TPCN2: variants seen among roughly 807,000 people sequenced by gnomAD.
TPCN2 encodes the protein two pore channel protein 2.
TPCN2 carries 92 observed loss-of-function variants against 111.4 expected under a neutral mutation model. The observed-to-expected ratio is 0.83, with a 90% CI of 0.70 to 0.98. The LOEUF is 0.98. Among genes scored for constraint, TPCN2 ranks in the 50% least tolerant of loss-of-function variants. TPCN2 has a pLI of 0.00. For synonymous variants in TPCN2, 405 were observed against 414.5 expected (o/e 0.98, Z 0.28); for missense variants, 995 against 980.1 (o/e 1.02, Z -0.20).
intron 5 of TPCN2, among the ~76,000 whole-genome samples, chr11:69,061,042 G>A (rs767235284): frequency 2.4e-4 from 36 of 152,214 alleles, no homozygotes; most frequent in African/African-American, 8.7e-4. Flanking sequence ...AGGGCCTGCC[G>A]TGCTGCTGCT....
Position 69,054,772 on chromosome 11 carries a change from C to T in TPCN2, c.226C>T (p.Arg76Trp), listed in dbSNP as rs372021980. The change falls in exon 3 of 25, where the codon CGG (arginine) becomes TGG (tryptophan). Residue 76 changes from arginine (R) to tryptophan (W), a missense_variant. By Grantham distance (101) the Arg-to-Trp change is moderately radical. Coordinates refer to ENST00000294309, the MANE Select transcript of TPCN2 (RefSeq NM_139075.4). Reference sequence around the variant, plus strand: ...TGCCAGCTCGATGTGGCTTTACCGACGGTATTACTCGAACGTATGCCAACG... The same window carrying T: ...TGCCAGCTCGATGTGGCTTTACCGATGGTATTACTCGAACGTATGCCAACG... Reference protein sequence around the residue: ...VDASSMWLYRRYYSNVCQRTL... With the variant: ...VDASSMWLYRWYYSNVCQRTL... The T allele has an allele frequency of 1.1e-5, 17 of 1,614,038 alleles. No homozygotes were observed. Among genetic ancestry groups the T allele is most frequent in the South Asian group, 6.6e-5 (6 of 91,082 alleles).
chr11:69,054,227 G>A (rs1854641726), intron 2 of TPCN2, 130 bp downstream of exon 2: 1 of 716,148 alleles, frequency 1.4e-6, no homozygotes, highest in Non-Finnish European at 2.4e-6. Context: ...AACTGAGGGT[G>A]GAGCCTCTGG....
At chr11:69,069,700 ACCG>A (rs1855430127) in intron 8 of TPCN2, among the ~76,000 whole-genome samples, 9 of 66,274 alleles carry the variant, frequency 1.4e-4, no homozygotes, top group Non-Finnish European at 2.1e-4. Flanking sequence ...CTAGGAAGTG[ACCG>A]CACTGGGAGC....
Position 69,085,222 on chromosome 11 carries a change from G to C in TPCN2, c.1774G>C (p.Val592Leu), listed in dbSNP as rs762260431. The change falls in exon 20 of 25, where the codon GTA (valine) becomes CTA (leucine). Residue 592 changes from valine to leucine, a missense_variant. Physicochemically the swap from Val to Leu is conservative, Grantham distance 32. Transcript: ENST00000294309. ...CCTGGCCCGCCAGGTGGTCTACTAC[G>C]TATTTGCCATCATTGGGATCAACTT... is the stretch of plus-strand genomic sequence containing the variant. ...FGGILVVVYY[V>L]FAIIGINLFR... is the part of the protein sequence containing the mutation. 1.4e-5 allele frequency: 23 copies of C among 1,603,758 alleles called. No homozygotes were observed. Among genetic ancestry groups the C allele is most frequent in the Non-Finnish European group, 2.0e-5 (23 of 1,173,136 alleles).
intron 2 of TPCN2, chr11:69,054,443 C>T (rs138561941): frequency 3.9e-5 from 22 of 562,936 alleles, no homozygotes; most frequent in East Asian, 3.2e-4. Flanking sequence ...CAGGCAGACA[C>T]GGGCACAGCT....
At chr11:69,065,488 C>T (rs555093916) in intron 7 of TPCN2, among the ~76,000 whole-genome samples, 130 of 152,294 alleles carry the variant, frequency 8.5e-4, no homozygotes, top group African/African-American at 3.0e-3. Context: ...GTGAGGGGTG[C>T]GTGCTTGTCG....
chr11:69,073,818 C>G (rs1029472808), intron 13 of TPCN2, among the ~76,000 whole-genome samples: 4 of 152,122 alleles, frequency 2.6e-5, no homozygotes, highest in African/African-American at 9.7e-5. Context: ...TCACCTGAGG[C>G]CTCTCTCCGT....
intron 5 of TPCN2, among the ~76,000 whole-genome samples, chr11:69,061,671 C>G (rs1238224388): frequency 1.3e-5 from 2 of 152,004 alleles, no homozygotes; most frequent in Non-Finnish European, 2.9e-5. Context: ...TGGGGACCCC[C>G]AGGTGGGTCC....
chr11:69,072,775 T>C (rs542215609), intron 12 of TPCN2, 67 bp downstream of exon 12: 58 of 1,585,808 alleles, frequency 3.7e-5, no homozygotes, highest in Admixed American at 2.7e-4. Context: ...CAGCAGCCCC[T>C]TTTCAGGACT....
intron 1 of TPCN2, among the ~76,000 whole-genome samples, chr11:69,051,027 C>T (rs986706695): frequency 6.6e-6 from 1 of 152,220 alleles, no homozygotes; most frequent in Non-Finnish European, 1.5e-5. Flanking sequence ...ACTATGGAGC[C>T]ATGGAGACTC....
At chr11:69,058,528 G>A (rs1240636534) in intron 5 of TPCN2, among the ~76,000 whole-genome samples, 2 of 15,086 alleles carry the variant, frequency 1.3e-4, no homozygotes, top group South Asian at 0.033. Context: ...GTGCCGATGT[G>A]GGGGCTGGAA....
intron 13 of TPCN2, among the ~76,000 whole-genome samples, chr11:69,077,519 C>G (rs114712066): frequency 0.013 from 2,051 of 152,334 alleles, 54 homozygotes; most frequent in African/African-American, 0.047. Flanking sequence ...AGAGGAAGTT[C>G]GCTGATCATT....
In TPCN2 at chr11:69,063,895, C is replaced by T. The variant is rs548405579; in HGVS notation, c.654C>T (p.Ser218=). 2.0e-5 allele frequency: 33 copies of T among 1,613,854 alleles called. No individual in the cohort carries two copies. The highest frequency in any genetic ancestry group is 1.3e-4 in the East Asian group (6 of 44,872). Residue 218 remains serine, a splice_region_variant and synonymous_variant, in exon 7 of 25, where the codon AGC becomes AGT. Coordinates refer to ENST00000294309, the MANE Select transcript of TPCN2 (RefSeq NM_139075.4). ...CIRWSLPEMA[S]VGLLLAIHLC... Reference sequence around the variant, plus strand: ...GGCTGAGTGCCGTGCTCTCCCCCAGCGTCGGGCTGCTGCTGGCCATCCACC... The same window carrying T: ...GGCTGAGTGCCGTGCTCTCCCCCAGTGTCGGGCTGCTGCTGGCCATCCACC...
Position 69,087,135 on chromosome 11 carries a change from C to T in TPCN2, c.2109C>T (p.Pro703=), listed in dbSNP as rs1049987986. 1.9e-6 allele frequency: 3 copies of T among 1,613,796 alleles called. No homozygotes were observed. The highest frequency in any genetic ancestry group is 1.3e-5 in the African/African-American group (1 of 74,904). The stretch of plus-strand genomic sequence containing the variant: ...AGAACTTCCTTCACAAGTGGGACCC[C>T]CGCAGCCACCTGCAGCCCCTTGCTG... ...ILENFLHKWD[P]RSHLQPLAGT... The change falls in exon 24 of 25, where the codon CCC becomes CCT. Residue 703 remains proline (P), a synonymous_variant. Coordinates refer to ENST00000294309, the MANE Select transcript of TPCN2 (RefSeq NM_139075.4).
intron 7 of TPCN2, among the ~76,000 whole-genome samples, chr11:69,065,207 G>A (rs1271930924): frequency 6.6e-6 from 1 of 152,200 alleles, no homozygotes; most frequent in Non-Finnish European, 1.5e-5. Flanking sequence ...GGGTTGTGGA[G>A]ATGGAACCGG....
chr11:69,062,744 G>A (rs1855077964), intron 5 of TPCN2, 140 bp from the exon 6 acceptor site: 1 of 749,772 alleles, frequency 1.3e-6, no homozygotes, highest in African/African-American at 1.7e-5. Context: ...TCTGGAGCCA[G>A]GCCCTCCACT....
chr11:69,074,708 G>T (rs1352069359), intron 13 of TPCN2, among the ~76,000 whole-genome samples: 1 of 152,204 alleles, frequency 6.6e-6, no homozygotes, highest in Non-Finnish European at 1.5e-5. Context: ...CAAGGAGAAG[G>T]TGTTCGTATG....
chr11:69,086,908 C>T (rs1346137351), intron 23 of TPCN2, among the ~76,000 whole-genome samples: 1 of 85,430 alleles, frequency 1.2e-5, no homozygotes, highest in African/African-American at 4.0e-5. Context: ...GATTCTCAGG[C>T]CCCCAGGTCG....
chr11:69,085,519 C>T, intron 20 of TPCN2, 152 bp from the exon 21 acceptor site: 1 of 713,342 alleles, frequency 1.4e-6, no homozygotes, highest in Middle Eastern at 4.0e-4. Flanking sequence ...GTGGCCTGCT[C>T]AGAGCAGCAC....
Sources: allele counts gnomAD v4.1 joint callset (sites outside exome capture counted in the v4.1 genomes callset), GRCh38; gene constraint gnomAD v4.1.1; transcripts MANE v1.5; gene names NCBI Gene and HGNC (gene_info 2026-07-23, HGNC 2026-07-21).